The following SNX31 variants were observed in gnomAD, a reference collection of about 807,000 sequenced individuals.
The protein encoded by SNX31 is sorting nexin-31.
Under a neutral mutation model 65.4 loss-of-function variants are expected in SNX31, and 58 were observed. The observed-to-expected ratio is 0.89, with a 90% CI of 0.72 to 1.10. The LOEUF is 1.10. Among genes scored for constraint, SNX31 ranks in the 50% least tolerant of loss-of-function variants. The pLI is 0.00. For missense variants in SNX31, 523 were observed against 529.7 expected (o/e 0.99, Z 0.12); for synonymous variants, 181 against 190.1 (o/e 0.95, Z 0.39).
rs771675543 is a variant in SNX31, at chr8:100,649,266, C to G, written c.141+8G>C. 6.2e-7 allele frequency: 1 copy of G among 1,613,866 alleles called. No homozygotes were observed. The highest frequency in any genetic ancestry group is 1.1e-5 in the South Asian group (1 of 91,074). On this transcript the variant is annotated splice_region_variant and intron_variant, in intron 2 of 13. Transcript: ENST00000311812. ...GGATGGGCTCGTACCCGCCTCCAAT[C>G]TGCTCACCTGTTCGTTCCAACCGTG...
rs749249716 is a variant in SNX31 at position 100,575,390 on chromosome 8, T to C, written c.1228-1430A>G. 2.8e-4 allele frequency among the ~76,000 whole-genome samples: 43 copies of C among 152,226 alleles called. No individual in the cohort carries two copies. Among genetic ancestry groups the C allele is most frequent in the Non-Finnish European group, 5.6e-4 (38 of 68,048 alleles). On this transcript the variant is annotated intron_variant, in intron 13 of 13. Coordinates refer to ENST00000311812, the MANE Select transcript of SNX31 (RefSeq NM_152628.4). This position sits in a 1 kb window ranked among gnomAD's most constrained non-coding sequence, Gnocchi z 5.1. ...TAGCAGTTCATGGCTCAGGATAAGG[T>C]CTATACAACAGTTTGCAAAATAAAT...
Position 100,588,958 on chromosome 8 carries a change from C to T in SNX31, c.1000G>A (p.Gly334Arg). 6.2e-7 allele frequency: 1 copy of T among 1,613,614 alleles called. No homozygotes were observed. The highest frequency in any genetic ancestry group is 1.1e-5 in the South Asian group (1 of 91,046). Residue 334 changes from glycine (G) to arginine (R), a missense_variant, in exon 11 of 14, where the codon GGG becomes AGG. Transcript: ENST00000311812. This position sits in a 1 kb window ranked among gnomAD's most constrained non-coding sequence, Gnocchi z 4.8. ...TFLGTLLDTD[G>R]PQRTLNQNLE... ...TTCTGGTTGAGAGTTCTCTGGGGCC[C>T]ATCCGTATCCAGCAGAGTTCCCTAC... is the stretch of plus-strand genomic sequence containing the variant.
intron 2 of SNX31, among the ~76,000 whole-genome samples, chr8:100,645,594 C>T (rs1165426509): frequency 6.7e-6 from 1 of 149,324 alleles, no homozygotes; most frequent in African/African-American, 2.5e-5. Flanking sequence ...AGCAACCCTA[C>T]TCAGACTCTT....
upstream of SNX31, among the ~76,000 whole-genome samples, chr8:100,650,421 G>A (rs1819929296): frequency 6.6e-6 from 1 of 152,190 alleles, no homozygotes; most frequent in Non-Finnish European, 1.5e-5. Flanking sequence ...GGCCCAGGGG[G>A]TGGAGGAACT....
chr8:100,583,958 CA>C (rs1466966630), intron 12 of SNX31, among the ~76,000 whole-genome samples, 152 bp downstream of exon 12: 1 of 152,178 alleles, frequency 6.6e-6, no homozygotes, highest in African/African-American at 2.4e-5. Context: ...ACTGAGCTAC[CA>C]GAGGGAAGAG....
In SNX31 at chr8:100,584,174, A is replaced by G. The variant is rs1813813960; in HGVS notation, c.1107T>C (p.Ser369=). 1 of 1,597,012 alleles carries G rather than the reference A, an allele frequency of 6.3e-7. No individual in the cohort carries two copies. Among genetic ancestry groups the G allele is most frequent in the African/African-American group, 1.4e-5 (1 of 73,484 alleles). The change falls in exon 12 of 14, where the codon AGT becomes AGC. Residue 369 remains serine, a synonymous_variant. Transcript: ENST00000311812. The part of the protein sequence containing the change: ...VIYTKQAFLL[S]SCLKKMISEK... ...CTGAGATCATCTTTTTCAAGCAGCT[A>G]CTCAGCAAAAAAGCCTAAGAAATGC...
At chr8:100,574,894 A>G (rs908832178) in intron 13 of SNX31, among the ~76,000 whole-genome samples, 4 of 152,182 alleles carry the variant, frequency 2.6e-5, no homozygotes, top group South Asian at 4.1e-4. Context: ...AGATGGCACC[A>G]CCGCACTCCA....
rs112578019 is a variant in SNX31 at position 100,595,319 on chromosome 8, T to G, written c.978+1320A>C. Among the ~76,000 whole-genome samples the G allele has an allele frequency of 5.4e-3, 813 of 151,648 alleles. 10 individuals are homozygous for G. Among genetic ancestry groups the G allele is most frequent in the African/African-American group, 0.019 (767 of 41,242 alleles). Reference sequence around the variant, plus strand: ...GGAGATAGAGGGAATTTGTTGTTTTTTTTTTTTTTTCAGATGGGTCTCACT... The same window carrying G: ...GGAGATAGAGGGAATTTGTTGTTTTGTTTTTTTTTTCAGATGGGTCTCACT... On this transcript the variant is annotated intron_variant, in intron 10 of 13. Coordinates refer to ENST00000311812, the MANE Select transcript of SNX31 (RefSeq NM_152628.4).
chr8:100,574,005 C>A (rs370727447), intron 13 of SNX31, 45 bp from the exon 14 acceptor site: 42 of 1,153,082 alleles, frequency 3.6e-5, no homozygotes, highest in Admixed American at 4.8e-5. Flanking sequence ...GAAAGGAAAT[C>A]ATTTCCATAA....
At chr8:100,657,256 C>T (rs1435619025) in intron 1 of SNX31, among the ~76,000 whole-genome samples, 1 of 151,920 alleles carries the variant, frequency 6.6e-6, no homozygotes, top group African/African-American at 2.4e-5. Flanking sequence ...AGTTCAAGAC[C>T]AGCCTGACCA....
rs115836201 is a variant in SNX31, at chr8:100,643,179, C to T, written c.141+6095G>A. On this transcript the variant is annotated intron_variant, in intron 2 of 13. Transcript: ENST00000311812. ...CCTCACTGCAGCTTAGGTGAAAGAG[C>T]GTGACTCCGTCTCAAAAAAACAAAA... Among the ~76,000 whole-genome samples the T allele has an allele frequency of 5.4e-5, 8 of 148,174 alleles. No homozygotes were observed. The South Asian group carries it at 8.9e-4, about 17-fold the overall frequency.
Position 100,576,899 on chromosome 8 carries a change from AG to A in SNX31, c.1227+119del. 3 of 824,134 alleles carry A rather than the reference AG, an allele frequency of 3.6e-6. No homozygotes were observed. The highest frequency in any genetic ancestry group is 5.8e-6 in the Non-Finnish European group (3 of 513,754). 51.1% of individuals were successfully genotyped at this position (824,134 alleles called of 1,614,324 possible). A position where few individuals can be genotyped will look rare whatever the true frequency, so the allele number is the denominator to read the frequency against. ...CCAATTGGCCCAATCTACAAAGAGG[AG>A]CTTCTGAGAAACATAATTCTGACTT... On this transcript the variant is annotated intron_variant, in intron 13 of 13. Coordinates refer to ENST00000311812, the MANE Select transcript of SNX31 (RefSeq NM_152628.4). This position sits in a 1 kb window ranked among gnomAD's most constrained non-coding sequence, Gnocchi z 4.8.
intron 10 of SNX31, among the ~76,000 whole-genome samples, chr8:100,589,937 T>A (rs985758678): frequency 6.6e-6 from 1 of 152,232 alleles, no homozygotes; most frequent in Non-Finnish European, 1.5e-5. Context: ...GGACAAGTAA[T>A]TCTCTATGCT....
rs139064550 is a variant in SNX31, at chr8:100,582,838, C to A, written c.1170+1273G>T. 9.7e-3 allele frequency among the ~76,000 whole-genome samples: 1,469 copies of A among 151,318 alleles called. 36 individuals are homozygous for A. Among genetic ancestry groups the A allele is most frequent in the African/African-American group, 0.034 (1,414 of 41,330 alleles). On this transcript the variant is annotated intron_variant, in intron 12 of 13. Coordinates refer to ENST00000311812, the MANE Select transcript of SNX31 (RefSeq NM_152628.4). ...TAAAAAAAAAAATACAAAAAATCAG[C>A]CGGGCGTGGTGGCAGGGACCTGTAG...
rs1817787778 is a variant in SNX31, at chr8:100,622,764, C to G, written c.322-5034G>C. ...GATACATGAACTTCCCTCTCTAGCC[C>G]TCGACTGCATACTTATCCTACAGAT... On this transcript the variant is annotated intron_variant, in intron 4 of 13. Transcript: ENST00000311812. This position sits in a 1 kb window ranked among gnomAD's most constrained non-coding sequence, Gnocchi z 5.0. 6.6e-6 allele frequency among the ~76,000 whole-genome samples: 1 copy of G among 152,098 alleles called. No individual in the cohort carries two copies. Among genetic ancestry groups the G allele is most frequent in the African/African-American group, 2.4e-5 (1 of 41,414 alleles).
In SNX31 at chr8:100,636,006, C is replaced by T. The variant is rs1455987069; in HGVS notation, c.147G>A (p.Arg49=). 6.2e-7 allele frequency: 1 copy of T among 1,613,494 alleles called. No homozygotes were observed. Among genetic ancestry groups the T allele is most frequent in the Non-Finnish European group, 8.5e-7 (1 of 1,179,480 alleles). Residue 49 remains arginine (R), a synonymous_variant, in exon 3 of 14, where the codon AGG becomes AGA. Transcript: ENST00000311812. ...GTGGCAGGCAATTTCCAAAGACCCG[C>T]CTTAGCTGAAAGATCCAGGAAACAC... ...SQLHGWNEQL[R]RVFGNCLPPF...
intron 10 of SNX31, among the ~76,000 whole-genome samples, chr8:100,591,079 G>A (rs973454040): frequency 6.6e-6 from 1 of 152,178 alleles, no homozygotes; most frequent in South Asian, 2.1e-4. Context: ...TAAACACAGC[G>A]AGAGCTCTAG....
At chr8:100,640,139 T>TC (rs61363007) in intron 2 of SNX31, among the ~76,000 whole-genome samples, 35,423 of 152,000 alleles carry the variant, frequency 0.23, 5,169 homozygotes, top group African/African-American at 0.41. Flanking sequence ...TCTTTTCTTT[T>TC]TTTTGGAGAC....
At chr8:100,611,583 TC>T (rs1021014536) in intron 7 of SNX31, among the ~76,000 whole-genome samples, 13 of 152,184 alleles carry the variant, frequency 8.5e-5, no homozygotes, top group African/African-American at 3.1e-4. Flanking sequence ...TGAGACAGGG[TC>T]TTGCACTGTT....
Sources: allele counts gnomAD v4.1 joint callset (sites outside exome capture counted in the v4.1 genomes callset), GRCh38; gene constraint gnomAD v4.1.1; non-coding constraint Gnocchi (gnomAD v3.1); transcripts MANE v1.5; gene names NCBI Gene and HGNC (gene_info 2026-07-23, HGNC 2026-07-21).